TBC1D19: variants seen among roughly 807,000 people sequenced by gnomAD.
TBC1D19 encodes the protein TBC1 domain family member 19, also known as TBC1 domain family, member 19.
TBC1D19 carries 60 observed loss-of-function variants against 89.0 expected under a neutral mutation model. That is an observed-to-expected ratio of 0.67 (90% CI 0.55 to 0.84). TBC1D19 has a LOEUF of 0.84. Ranked by LOEUF, TBC1D19 falls within the 40% of genes least tolerant of loss-of-function variation. The probability of loss-of-function intolerance (pLI) is 0.00; values close to 1 mark genes in which losing one functional copy is unlikely to be tolerated. For synonymous variants in TBC1D19, 189 were observed against 199.7 expected (o/e 0.95, Z 0.45); for missense variants, 500 against 610.8 (o/e 0.82, Z 1.91).
chr4:26,699,801 G>A (rs182925561), intron 13 of TBC1D19, among the ~76,000 whole-genome samples: 20 of 144,404 alleles, frequency 1.4e-4, no homozygotes, highest in Admixed American at 1.2e-3. Flanking sequence ...CTCTTAGGTG[G>A]TAATTGAACA....
intron 11 of TBC1D19, among the ~76,000 whole-genome samples, chr4:26,682,329 CT>C (rs1159157463): frequency 6.6e-6 from 1 of 152,144 alleles, no homozygotes; most frequent in Admixed American, 6.5e-5. Context: ...CCAATTAAGG[CT>C]TTTTAATTAA....
At chr4:26,722,337 C>T (rs1717032120) in intron 15 of TBC1D19, among the ~76,000 whole-genome samples, 2 of 152,120 alleles carry the variant, frequency 1.3e-5, no homozygotes. Context: ...AAGTTCTTCT[C>T]TCCATCCATA....
chr4:26,587,338 G>A (rs561112035), intron 1 of TBC1D19, among the ~76,000 whole-genome samples: 2 of 152,206 alleles, frequency 1.3e-5, no homozygotes, highest in Admixed American at 1.3e-4. Context: ...AGCACTTTGG[G>A]AGGCCAAGGT....
intron 7 of TBC1D19, among the ~76,000 whole-genome samples, chr4:26,646,689 A>G (rs1248263713): frequency 6.6e-6 from 1 of 152,228 alleles, no homozygotes; most frequent in Non-Finnish European, 1.5e-5. Flanking sequence ...TGAGCAAACT[A>G]TCGCAAGAAC....
intron 16 of TBC1D19, among the ~76,000 whole-genome samples, chr4:26,737,269 A>G (rs1387856837): frequency 6.6e-6 from 1 of 152,154 alleles, no homozygotes; most frequent in African/African-American, 2.4e-5. Flanking sequence ...ATAATACATA[A>G]TGTTATAGAG....
chr4:26,728,179 TTTC>T (rs1717426357), intron 15 of TBC1D19, among the ~76,000 whole-genome samples: 1 of 152,246 alleles, frequency 6.6e-6, no homozygotes, highest in African/African-American at 2.4e-5. Context: ...AATGTCTTCA[TTTC>T]TGACTACCTT....
the TBC1D19 span, among the ~76,000 whole-genome samples, chr4:26,840,060 T>C: frequency 0.015 from 2,220 of 152,208 alleles, 58 homozygotes; most frequent in African/African-American, 0.051. Flanking sequence ...TAATTCTTCT[T>C]TCTTTCTCTT....
intron 13 of TBC1D19, among the ~76,000 whole-genome samples, chr4:26,693,791 G>A (rs1405389973): frequency 6.6e-6 from 1 of 152,008 alleles, no homozygotes; most frequent in Non-Finnish European, 1.5e-5. Flanking sequence ...GTACCAGACC[G>A]AAATTCTGGC....
At chr4:26,726,380 C>T (rs1044792141) in intron 15 of TBC1D19, among the ~76,000 whole-genome samples, 5 of 152,048 alleles carry the variant, frequency 3.3e-5, no homozygotes, top group African/African-American at 7.2e-5. Context: ...AGTTTGTCAT[C>T]CATATTAATT....
the TBC1D19 span, among the ~76,000 whole-genome samples, chr4:26,767,655 A>G: frequency 6.6e-6 from 1 of 152,196 alleles, no homozygotes; most frequent in Non-Finnish European, 1.5e-5. Context: ...TTGCCAGCAC[A>G]TTCATCTTGG....
At chr4:26,748,589 T>C in intron 19 of TBC1D19, 63 bp downstream of exon 19, 2 of 1,165,740 alleles carry the variant, frequency 1.7e-6, no homozygotes, top group Non-Finnish European at 2.5e-6. Flanking sequence ...CTTTTCTTCC[T>C]AACATTCACC....
chr4:26,678,943 G>A (rs1713090102), intron 11 of TBC1D19, among the ~76,000 whole-genome samples: 3 of 152,138 alleles, frequency 2.0e-5, no homozygotes, highest in African/African-American at 7.2e-5. Flanking sequence ...GCACTTGAGA[G>A]AGTTAATTTA....
At chr4:26,592,851 A>G (rs1739913126) in intron 1 of TBC1D19, among the ~76,000 whole-genome samples, 4 of 152,248 alleles carry the variant, frequency 2.6e-5, no homozygotes, top group Admixed American at 2.6e-4. Flanking sequence ...ATACAAACAG[A>G]TGGAAGAACA....
At chr4:26,582,165 T>C (rs1739084860), upstream of TBC1D19, among the ~76,000 whole-genome samples, 1 of 152,124 alleles carries the variant, frequency 6.6e-6, no homozygotes, top group Admixed American at 6.5e-5. Flanking sequence ...TCAATAGTAC[T>C]GGGCATTATT....
Position 26,657,756 on chromosome 4 carries a change from TG to T in TBC1D19, c.481-1840del, listed in dbSNP as rs1380633756. Among the ~76,000 whole-genome samples the T allele has an allele frequency of 2.0e-5, 3 of 152,294 alleles. No individual in the cohort carries two copies. The East Asian group carries it at 5.8e-4, about 29-fold the overall frequency. ...ATCCTCTCCAGCATCTGTTGTTTCC[TG>T]ACTTTTTAATGTTCACCATTCTAAC... On this transcript the variant is annotated intron_variant, in intron 7 of 20. Coordinates refer to ENST00000264866, the MANE Select transcript of TBC1D19 (RefSeq NM_018317.4).
chr4:26,719,916 A>G (rs73114668), intron 14 of TBC1D19, among the ~76,000 whole-genome samples, 165 bp from the exon 15 acceptor site: 6,524 of 152,198 alleles, frequency 0.043, 480 homozygotes, highest in African/African-American at 0.15. Context: ...TGCTAATACC[A>G]AAAGATTGGC....
At chr4:26,693,287 A>C (rs182379658) in intron 13 of TBC1D19, among the ~76,000 whole-genome samples, 1 of 152,290 alleles carries the variant, frequency 6.6e-6, no homozygotes, top group African/African-American at 2.4e-5. Context: ...AGCAAATAAC[A>C]ATCATGAGCC....
At chr4:26,666,471 A>C in intron 9 of TBC1D19, 66 bp downstream of exon 9, 1 of 1,356,402 alleles carries the variant, frequency 7.4e-7, no homozygotes, top group African/African-American at 1.4e-5. Flanking sequence ...TTATATTGCT[A>C]TTTCCAAGTT....
At chr4:26,740,921 A>G in intron 17 of TBC1D19, 1 of 985,462 alleles carries the variant, frequency 1.0e-6, no homozygotes, top group Non-Finnish European at 1.2e-6. Flanking sequence ...AAATCACAGA[A>G]TTCCAGGATG....
Sources: allele counts gnomAD v4.1 joint callset (sites outside exome capture counted in the v4.1 genomes callset), GRCh38; gene constraint gnomAD v4.1.1; transcripts MANE v1.5; gene names NCBI Gene and HGNC (gene_info 2026-07-23, HGNC 2026-07-21).